Variants in VPS13A observed in about 807,000 individuals in gnomAD.
VPS13A encodes vacuolar protein sorting 13 homolog A.
VPS13A carries 264 observed loss-of-function variants against 390.9 expected under a neutral mutation model. The ratio of observed to expected loss-of-function variants is 0.68; its 90% CI spans 0.61 to 0.75. The LOEUF (loss-of-function observed/expected upper bound fraction) is 0.75, where lower values mean the gene tolerates loss of function less well. Ranked by LOEUF, VPS13A falls within the 30% of genes least tolerant of loss-of-function variation. The pLI, the probability that VPS13A is intolerant of heterozygous loss-of-function variation, is 0.00. For synonymous variants in VPS13A, 1,231 were observed against 1,227.1 expected, an observed-to-expected ratio of 1.00 and a Z score of -0.07; for missense variants, 3,409 against 3,733.9, an observed-to-expected ratio of 0.91 and a Z score of 2.27.
chr9:77,253,933 ATTC>A (rs1825291364), intron 22 of VPS13A, among the ~76,000 whole-genome samples: 1 of 66,536 alleles, frequency 1.5e-5, no homozygotes, highest in African/African-American at 5.7e-5. Context: ...ACCGGCCTTT[ATTC>A]TTTTTTTTTT....
chr9:77,335,549 A>G (rs1830494231), intron 46 of VPS13A, among the ~76,000 whole-genome samples: 1 of 152,240 alleles, frequency 6.6e-6, no homozygotes, highest in Admixed American at 6.5e-5. Context: ...GAAGGATATG[A>G]ATAGACACTT....
In VPS13A at chr9:77,370,351, A is replaced by G. The variant is rs1832681147; in HGVS notation, c.8743+19A>G. The G allele has an allele frequency of 3.1e-6, 5 of 1,614,048 alleles. No homozygotes were observed. Among genetic ancestry groups the G allele is most frequent in the Non-Finnish European group, 4.2e-6 (5 of 1,180,026 alleles). On this transcript the variant is annotated intron_variant, in intron 64 of 71. Transcript: ENST00000360280. ...GCTGTTGGTAAGAAACAGAATATCTACCAAGTATTTTTGTGCTAGAAAGTA... is the reference window on the plus strand; with the variant it reads ...GCTGTTGGTAAGAAACAGAATATCTGCCAAGTATTTTTGTGCTAGAAAGTA...
chr9:77,251,839 T>C (rs1351566742), intron 21 of VPS13A, among the ~76,000 whole-genome samples: 2 of 152,264 alleles, frequency 1.3e-5, no homozygotes, highest in East Asian at 3.9e-4. Context: ...ATAAATTCTT[T>C]TGAGTCTCAG....
chr9:77,269,503 A>G (rs1826232623), intron 23 of VPS13A, among the ~76,000 whole-genome samples: 1 of 152,210 alleles, frequency 6.6e-6, no homozygotes, highest in Non-Finnish European at 1.5e-5. Flanking sequence ...TTGTATTTCC[A>G]AAATGTTTTC....
chr9:77,223,026 T>TC (rs1413350569), intron 13 of VPS13A, among the ~76,000 whole-genome samples: 54 of 152,292 alleles, frequency 3.5e-4, no homozygotes, highest in South Asian at 1.0e-3. Flanking sequence ...TCTATGTCAG[T>TC]TTCCTTTTTC....
chr9:77,305,311 TA>T (rs1409709906), intron 34 of VPS13A, among the ~76,000 whole-genome samples: 2 of 152,224 alleles, frequency 1.3e-5, no homozygotes, highest in African/African-American at 4.8e-5. Context: ...TCTTAGTGTG[TA>T]AGATAATAAT....
At chr9:77,289,664 T>C (rs1827534671) in intron 31 of VPS13A, among the ~76,000 whole-genome samples, 1 of 152,240 alleles carries the variant, frequency 6.6e-6, no homozygotes. Context: ...GTCAGTTTTC[T>C]TTGGAGCAAT....
intron 23 of VPS13A, 40 bp downstream of exon 23, chr9:77,260,264 A>G: frequency 6.3e-7 from 1 of 1,597,868 alleles, no homozygotes; most frequent in Non-Finnish European, 8.6e-7. Context: ...ATGAATTAAG[A>G]AAGTCCACAA....
chr9:77,388,022 T>A (rs1028227507), intron 68 of VPS13A, among the ~76,000 whole-genome samples: 7 of 152,188 alleles, frequency 4.6e-5, no homozygotes, highest in Non-Finnish European at 8.8e-5. Context: ...TCCCAGCTGT[T>A]ACTGCGTATT....
intron 68 of VPS13A, among the ~76,000 whole-genome samples, chr9:77,395,218 C>G (rs1402387176): frequency 6.6e-6 from 1 of 152,148 alleles, no homozygotes; most frequent in African/African-American, 2.4e-5. Context: ...CTTCATTTCA[C>G]TTGAACACTT....
chr9:77,413,235 G>C (rs1020530711), intron 71 of VPS13A, among the ~76,000 whole-genome samples: 1 of 151,988 alleles, frequency 6.6e-6, no homozygotes, highest in African/African-American at 2.4e-5. Flanking sequence ...CACAGAATTG[G>C]AAAAAACTAA....
At chr9:77,370,183 G>GTA (rs1188856949) in intron 63 of VPS13A, 74 bp from the exon 64 acceptor site, 23 of 1,527,254 alleles carry the variant, frequency 1.5e-5, no homozygotes, top group Non-Finnish European at 2.0e-5. Context: ...CTCTTTCGTC[G>GTA]TATATATCCG....
intron 67 of VPS13A, among the ~76,000 whole-genome samples, chr9:77,377,237 G>T (rs1279233469): frequency 1.7e-5 from 2 of 114,808 alleles, no homozygotes; most frequent in African/African-American, 7.2e-5. Flanking sequence ...TTTTGAGACG[G>T]AGTCTCGCTC....
At chr9:77,235,367 C>A (rs1325928534) in intron 17 of VPS13A, among the ~76,000 whole-genome samples, 1 of 152,122 alleles carries the variant, frequency 6.6e-6, no homozygotes, top group East Asian at 1.9e-4. Context: ...AGTACATGAT[C>A]TTGCTGCCTT....
intron 68 of VPS13A, among the ~76,000 whole-genome samples, chr9:77,398,947 C>T (rs1028170622): frequency 1.5e-4 from 20 of 132,856 alleles, no homozygotes; most frequent in Non-Finnish European, 2.0e-4. Flanking sequence ...TATTCTCACT[C>T]ATAGGTGGGA....
intron 71 of VPS13A, 40 bp from the exon 72 acceptor site, chr9:77,415,916 C>T (rs1835152814): frequency 2.5e-6 from 4 of 1,610,288 alleles, no homozygotes; most frequent in Admixed American, 1.7e-5. Flanking sequence ...ATTACAAGTT[C>T]ACTGAAGTAA....
chr9:77,184,436 TGG>T (rs1184194813), intron 1 of VPS13A, among the ~76,000 whole-genome samples: 1 of 152,104 alleles, frequency 6.6e-6, no homozygotes, highest in African/African-American at 2.4e-5. Context: ...CTGGCCAACA[TGG>T]TGAGACCCTG....
At chr9:77,253,336 C>T (rs909805875) in intron 22 of VPS13A, among the ~76,000 whole-genome samples, 2 of 152,124 alleles carry the variant, frequency 1.3e-5, no homozygotes, top group Non-Finnish European at 2.9e-5. Flanking sequence ...GATGGAGTCT[C>T]CCTCTGTCAC....
intron 13 of VPS13A, among the ~76,000 whole-genome samples, chr9:77,224,695 A>G (rs1823408469): frequency 6.6e-6 from 1 of 152,264 alleles, no homozygotes. Flanking sequence ...CTCCTGGTGA[A>G]GATGAGAACA....
Sources: gnomAD v4.1 joint callset for allele counts (sites outside exome capture counted in the v4.1 genomes callset) on GRCh38, gnomAD v4.1.1 for gene constraint, MANE v1.5 for transcripts, NCBI Gene and HGNC (gene_info 2026-07-23, HGNC 2026-07-21) for gene names.